The following ADAM22 variants were observed in gnomAD, a reference collection of about 807,000 sequenced individuals.
ADAM22 encodes the protein ADAM metallopeptidase domain 22.
ADAM22 carries 65 observed loss-of-function variants against 144.6 expected under a neutral mutation model. That is an observed-to-expected ratio of 0.45 (90% CI 0.37 to 0.55). ADAM22 has a LOEUF of 0.55. ADAM22 is among the 20% of genes least tolerant of loss of function. The pLI is 0.00. For synonymous variants in ADAM22, 391 were observed against 412.6 expected, an observed-to-expected ratio of 0.95 and a Z score of 0.63; for missense variants, 974 against 1,184.9, an observed-to-expected ratio of 0.82 and a Z score of 2.61.
At position 87,992,650 on chromosome 7, in the gene ADAM22, C is replaced by T. The variant is rs1790174829; in HGVS notation, c.323+14238C>T. Among the ~76,000 whole-genome samples the T allele has an allele frequency of 2.0e-5, 3 of 151,988 alleles. No individual in the cohort carries two copies. The South Asian group carries it at 6.2e-4, about 32-fold the overall frequency. ...CTACTGTAAGTGAAGATATTGCTTA[C>T]TTATTCATAAATTTTTTTTCTATAG... On this transcript the variant is annotated intron_variant, in intron 3 of 31. Transcript: ENST00000413139.
At chr7:88,065,916 C>G (rs1811133796) in intron 3 of ADAM22, among the ~76,000 whole-genome samples, 1 of 152,052 alleles carries the variant, frequency 6.6e-6, no homozygotes, top group Non-Finnish European at 1.5e-5. Flanking sequence ...TGCTCACAGC[C>G]TTGTCAACAC....
chr7:88,076,703 C>G (rs994312693), intron 4 of ADAM22, among the ~76,000 whole-genome samples: 5 of 152,182 alleles, frequency 3.3e-5, no homozygotes, highest in Admixed American at 2.0e-4. Context: ...GGTTTTCCCC[C>G]AGATCTGCAG....
intron 3 of ADAM22, among the ~76,000 whole-genome samples, chr7:88,021,698 T>A (rs756576374): frequency 1.3e-5 from 2 of 152,200 alleles, no homozygotes; most frequent in Admixed American, 6.5e-5. Flanking sequence ...GATGCTGAAT[T>A]TCAGGAATGA....
chr7:88,005,383 T>C (rs1793560360), intron 3 of ADAM22, among the ~76,000 whole-genome samples: 1 of 152,206 alleles, frequency 6.6e-6, no homozygotes, highest in Non-Finnish European at 1.5e-5. Context: ...AGATGGTTCC[T>C]ATGGAGTAGG....
At chr7:87,967,596 G>A (rs931303658) in intron 2 of ADAM22, among the ~76,000 whole-genome samples, 9 of 151,856 alleles carry the variant, frequency 5.9e-5, no homozygotes, top group Non-Finnish European at 1.2e-4. Flanking sequence ...AGATCATGAG[G>A]TCAGGAGTTC....
chr7:88,113,716 A>ATATATG (rs1826885313), intron 5 of ADAM22, among the ~76,000 whole-genome samples: 1 of 111,704 alleles, frequency 9.0e-6, no homozygotes, highest in African/African-American at 3.7e-5. Context: ...ATATATATAT[A>ATATATG]TATATATATA....
chr7:88,145,533 A>G (rs748053891), intron 17 of ADAM22, 26 bp downstream of exon 17: 1 of 1,571,898 alleles, frequency 6.4e-7, no homozygotes, highest in Non-Finnish European at 8.7e-7. Context: ...TGACCATTTG[A>G]CAGAAAAAAA....
At chr7:87,986,214 T>G (rs141358136) in intron 3 of ADAM22, among the ~76,000 whole-genome samples, 1 of 152,348 alleles carries the variant, frequency 6.6e-6, no homozygotes, top group African/African-American at 2.4e-5. Flanking sequence ...TAATTCACTT[T>G]TTCTTGTTTG....
intron 3 of ADAM22, among the ~76,000 whole-genome samples, chr7:87,985,014 T>C (rs2129450290): frequency 6.6e-6 from 1 of 152,248 alleles, no homozygotes; most frequent in East Asian, 1.9e-4. Context: ...TTTTTTTTTT[T>C]TTTTAAAGAA....
Position 88,165,887 on chromosome 7 carries a change from G to A in ADAM22, c.2132G>A (p.Cys711Tyr). Residue 711 changes from cysteine (C) to tyrosine (Y), a missense_variant, in exon 24 of 32, where the codon TGC (cysteine) becomes TAC (tyrosine). Physicochemically the swap from Cys to Tyr is radical, Grantham distance 194. This residue lies in a region of ADAM22 where 734 missense variants were observed against 950.6 expected (regional missense o/e 0.77). Transcript: ENST00000413139. The part of the protein sequence containing the change: ...VCNRHWIGSD[C>Y]NTYFPHNDDA... ...AACAGACACTGGATAGGTTCTGATT[G>A]CAACACTTACTTCCCTCACAATGAT... 6.2e-7 allele frequency: 1 copy of A among 1,612,000 alleles called. No individual in the cohort carries two copies. The highest frequency in any genetic ancestry group is 8.5e-7 in the Non-Finnish European group (1 of 1,178,968).
chr7:87,941,710 G>A (rs960258428), intron 2 of ADAM22, among the ~76,000 whole-genome samples: 2 of 151,918 alleles, frequency 1.3e-5, no homozygotes, highest in African/African-American at 4.8e-5. Flanking sequence ...TTGTTTTTAT[G>A]CTATGAAATC....
chr7:88,025,806 C>A (rs1373167841), intron 3 of ADAM22, among the ~76,000 whole-genome samples: 2 of 152,066 alleles, frequency 1.3e-5, no homozygotes, highest in Non-Finnish European at 2.9e-5. Context: ...AATATGATTT[C>A]TTCAGTTTTG....
chr7:88,155,033 ATAAGT>A (rs1288191710), intron 21 of ADAM22, among the ~76,000 whole-genome samples: 17 of 152,300 alleles, frequency 1.1e-4, no homozygotes, highest in African/African-American at 4.1e-4. Context: ...AAGATATTTT[ATAAGT>A]TAAGTTAGAA....
At chr7:88,085,220 A>C (rs955313106) in intron 4 of ADAM22, among the ~76,000 whole-genome samples, 2 of 152,184 alleles carry the variant, frequency 1.3e-5, no homozygotes, top group East Asian at 1.9e-4. Flanking sequence ...ACTGAAGTAA[A>C]TGAAAGGAAA....
chr7:87,953,955 G>T (rs1301968626), intron 2 of ADAM22, among the ~76,000 whole-genome samples: 2 of 152,048 alleles, frequency 1.3e-5, no homozygotes. Context: ...TCAGAGACTA[G>T]GATTGCAACC....
intron 11 of ADAM22, chr7:88,131,771 G>A (rs1831859085): frequency 3.7e-6 from 1 of 267,318 alleles, no homozygotes; most frequent in African/African-American, 2.2e-5. Context: ...AAATGTTAAT[G>A]TTTTCTCTGT....
At chr7:88,029,997 G>A (rs1359265371) in intron 3 of ADAM22, among the ~76,000 whole-genome samples, 1 of 151,988 alleles carries the variant, frequency 6.6e-6, no homozygotes, top group African/African-American at 2.4e-5. Context: ...TTGTAGTTAA[G>A]TATTGATATC....
chr7:88,040,516 C>G (rs1802867110), intron 3 of ADAM22, among the ~76,000 whole-genome samples: 1 of 152,046 alleles, frequency 6.6e-6, no homozygotes, highest in African/African-American at 2.4e-5. Flanking sequence ...GTGGTTCTGT[C>G]TATACTTCCC....
At chr7:88,148,900 T>G in intron 17 of ADAM22, 77 bp from the exon 18 acceptor site, 3 of 1,113,092 alleles carry the variant, frequency 2.7e-6, no homozygotes, top group Non-Finnish European at 3.9e-6. Flanking sequence ...ACAATTTTCA[T>G]TTTGTTTTTT....
Sources: gnomAD v4.1 joint callset for allele counts (sites outside exome capture counted in the v4.1 genomes callset) on GRCh38, gnomAD v4.1.1 for gene constraint, gnomAD v4.1.1 regional missense constraint, MANE v1.5 for transcripts, NCBI Gene and HGNC (gene_info 2026-07-23, HGNC 2026-07-21) for gene names.